The following LYPLAL1 variants were observed in gnomAD, a reference collection of about 807,000 sequenced individuals.
LYPLAL1 encodes lysophospholipase-like protein 1.
LYPLAL1 carries 23 observed loss-of-function variants against 19.7 expected under a neutral mutation model. The ratio of observed to expected loss-of-function variants is 1.17; its 90% CI spans 0.84 to 1.65. LYPLAL1 has a LOEUF of 1.65. Ranked by LOEUF, LYPLAL1 falls within the 40% of genes most tolerant of loss-of-function variation. The pLI is 0.00. For missense variants in LYPLAL1, 355 were observed against 279.4 expected (o/e 1.27, Z -1.93); for synonymous variants, 119 against 96.3 (o/e 1.24, Z -1.38).
chr1:219,267,489 A>G, the LYPLAL1 span, among the ~76,000 whole-genome samples: 2 of 152,190 alleles, frequency 1.3e-5, no homozygotes, highest in African/African-American at 4.8e-5. Flanking sequence ...GCAAATATGG[A>G]CTGGATATTC....
the LYPLAL1 span, among the ~76,000 whole-genome samples, chr1:219,251,080 G>T: frequency 6.6e-6 from 1 of 151,352 alleles, no homozygotes. Flanking sequence ...TTTTTCACAT[G>T]CTTGTTGGCT....
At chr1:219,425,972 G>T in the LYPLAL1 span, among the ~76,000 whole-genome samples, 3 of 152,158 alleles carry the variant, frequency 2.0e-5, no homozygotes, top group African/African-American at 7.2e-5. Flanking sequence ...TCTCCTCGCT[G>T]TTGTTCTAAA....
At chr1:219,182,528 A>G (rs780436676) in intron 2 of LYPLAL1, among the ~76,000 whole-genome samples, 2 of 152,148 alleles carry the variant, frequency 1.3e-5, no homozygotes, top group Non-Finnish European at 1.5e-5. Context: ...AAAAGGAGGC[A>G]TGTGATAGAT....
intron 3 of LYPLAL1, among the ~76,000 whole-genome samples, chr1:219,209,618 T>G (rs1008201980): frequency 4.6e-5 from 7 of 152,158 alleles, no homozygotes; most frequent in African/African-American, 1.4e-4. Context: ...TATTTTTGTA[T>G]TTCTATGAGT....
chr1:219,390,422 A>G, the LYPLAL1 span, among the ~76,000 whole-genome samples: 15 of 152,242 alleles, frequency 9.9e-5, no homozygotes, highest in African/African-American at 3.1e-4. Context: ...ACCAGAGAAG[A>G]GAAGGGACTG....
the LYPLAL1 span, among the ~76,000 whole-genome samples, chr1:219,247,146 G>A: frequency 6.6e-6 from 1 of 152,124 alleles, no homozygotes; most frequent in African/African-American, 2.4e-5. Flanking sequence ...ATTATTCTTT[G>A]TTAGCAATTA....
the LYPLAL1 span, among the ~76,000 whole-genome samples, chr1:219,420,228 G>T: frequency 6.6e-6 from 1 of 152,166 alleles, no homozygotes; most frequent in Non-Finnish European, 1.5e-5. Flanking sequence ...TACCCCAAAG[G>T]CTTCAGAAAA....
At chr1:219,199,931 T>A (rs1657952774) in intron 3 of LYPLAL1, 2 of 231,868 alleles carry the variant, frequency 8.6e-6, no homozygotes, top group Admixed American at 8.1e-5. Context: ...GGAGCCATCA[T>A]CTTTCATCAA....
the LYPLAL1 span, among the ~76,000 whole-genome samples, chr1:219,363,286 C>G: frequency 6.6e-6 from 1 of 152,062 alleles, no homozygotes; most frequent in Non-Finnish European, 1.5e-5. Flanking sequence ...GTCTAATAAA[C>G]CAGCCACTAT....
chr1:219,323,416 G>C, the LYPLAL1 span, among the ~76,000 whole-genome samples: 1 of 152,162 alleles, frequency 6.6e-6, no homozygotes, highest in Admixed American at 6.6e-5. Flanking sequence ...AAGAGGTTAG[G>C]GAGGAAGGGG....
chr1:219,359,164 A>G, the LYPLAL1 span, among the ~76,000 whole-genome samples: 1 of 152,192 alleles, frequency 6.6e-6, no homozygotes, highest in Non-Finnish European at 1.5e-5. Context: ...TCTTAATATG[A>G]TAAAGAGATT....
At chr1:219,205,670 A>G (rs1465661650) in intron 3 of LYPLAL1, among the ~76,000 whole-genome samples, 1 of 152,188 alleles carries the variant, frequency 6.6e-6, no homozygotes, top group African/African-American at 2.4e-5. Context: ...ATGAAGGGAT[A>G]GTTAGAATTC....
At chr1:219,199,676 G>A (rs757645702) in intron 3 of LYPLAL1, among the ~76,000 whole-genome samples, 2 of 140,734 alleles carry the variant, frequency 1.4e-5, no homozygotes, top group East Asian at 2.1e-4. Flanking sequence ...GTGCAGTGGC[G>A]TGATCTTGGC....
the LYPLAL1 span, among the ~76,000 whole-genome samples, chr1:219,410,970 C>T: frequency 2.0e-5 from 3 of 152,236 alleles, no homozygotes; most frequent in African/African-American, 7.2e-5. Flanking sequence ...CGAGCCTCCC[C>T]GACGAGCGCC....
chr1:219,250,729 C>T, the LYPLAL1 span, among the ~76,000 whole-genome samples: 4 of 151,992 alleles, frequency 2.6e-5, no homozygotes, highest in Middle Eastern at 3.4e-3. Context: ...GTTGATTTCA[C>T]GTCTTTACTA....
chr1:219,226,511 A>G, the LYPLAL1 span, among the ~76,000 whole-genome samples: 4 of 152,182 alleles, frequency 2.6e-5, no homozygotes, highest in African/African-American at 9.7e-5. Flanking sequence ...ACCCTTCTCA[A>G]CACAGCACAT....
At chr1:219,338,803 G>A in the LYPLAL1 span, among the ~76,000 whole-genome samples, 42,414 of 151,562 alleles carry the variant, frequency 0.28, 6,199 homozygotes, top group East Asian at 0.49. Context: ...AAGTAGAGAT[G>A]ACTAAATATT....
At chr1:219,251,076 A>T in the LYPLAL1 span, among the ~76,000 whole-genome samples, 3 of 151,814 alleles carry the variant, frequency 2.0e-5, no homozygotes, top group Non-Finnish European at 4.4e-5. Context: ...ATTTTTTTTC[A>T]CATGCTTGTT....
the LYPLAL1 span, among the ~76,000 whole-genome samples, chr1:219,232,869 A>AC: frequency 6.6e-6 from 1 of 152,042 alleles, no homozygotes; most frequent in South Asian, 2.1e-4. Flanking sequence ...CTATTTAAAA[A>AC]AAAAAAAAAG....
Sources: gnomAD v4.1 joint callset for allele counts (sites outside exome capture counted in the v4.1 genomes callset) on GRCh38, gnomAD v4.1.1 for gene constraint, MANE v1.5 for transcripts, NCBI Gene and HGNC (gene_info 2026-07-23, HGNC 2026-07-21) for gene names.